AKT1S1: variants seen among roughly 807,000 people sequenced by gnomAD.
The protein encoded by AKT1S1 is proline-rich AKT1 substrate 1.
Under a neutral mutation model 21.2 loss-of-function variants are expected in AKT1S1, and 17 were observed. That is an observed-to-expected ratio of 0.80 (90% CI 0.55 to 1.20). The LOEUF is 1.20. AKT1S1 is among the 50% of genes most tolerant of loss of function. AKT1S1 has a pLI of 0.00. For synonymous variants in AKT1S1, 181 were observed against 165.6 expected, an observed-to-expected ratio of 1.09 and a Z score of -0.72; for missense variants, 366 against 368.3, an observed-to-expected ratio of 0.99 and a Z score of 0.05.
At position 49,871,694 on chromosome 19, in the gene AKT1S1, G is replaced by A. The variant is rs748946986; in HGVS notation, c.480C>T (p.Thr160=). 111 of 1,612,878 alleles carry A rather than the reference G, an allele frequency of 6.9e-5. No individual in the cohort carries two copies. The highest frequency in any genetic ancestry group is 9.4e-5 in the Non-Finnish European group (111 of 1,179,514). ...STDDGSLSEE[T]PAGPPTCSVP... ...CTGAGCAGGTGGGGGGGCCGGCGGG[G>A]GTCTCCTCGCTCAGGCTGCCATCTG... is the stretch of plus-strand genomic sequence containing the variant. Residue 160 remains threonine, a synonymous_variant, in exon 4 of 5, where the codon ACC becomes ACT. Transcript: ENST00000344175.
At chr19:49,876,338 T>G in intron 1 of AKT1S1, 1 of 1,201,960 alleles carries the variant, frequency 8.3e-7, no homozygotes, top group Non-Finnish European at 1.0e-6. Context: ...CCCGACCCCG[T>G]GGACGTGGTC....
upstream of AKT1S1, chr19:49,877,556 T>C: frequency 1.6e-6 from 1 of 633,704 alleles, no homozygotes. Flanking sequence ...ACCCTCGAGG[T>C]TCCAGTGGAA....
chr19:49,876,494 C>T (rs2074946038), intron 1 of AKT1S1: 3 of 1,283,722 alleles, frequency 2.3e-6, no homozygotes, highest in African/African-American at 1.6e-5. Context: ...GCCCTCTGAT[C>T]TGTGCAGGCC....
chr19:49,872,253 C>T (rs1053476245), intron 2 of AKT1S1, among the ~76,000 whole-genome samples: 2 of 152,174 alleles, frequency 1.3e-5, no homozygotes, highest in African/African-American at 2.4e-5. Flanking sequence ...AGTCACTTGC[C>T]CGAGGTCCCA....
At chr19:49,875,551 G>A (rs551963505) in intron 1 of AKT1S1, among the ~76,000 whole-genome samples, 4 of 152,350 alleles carry the variant, frequency 2.6e-5, no homozygotes, top group South Asian at 4.1e-4. Flanking sequence ...GCAAGAAATG[G>A]CTGGTCCAAA....
chr19:49,875,160 T>C (rs1202359736), intron 1 of AKT1S1: 1 of 152,174 alleles, frequency 6.6e-6, no homozygotes, highest in Non-Finnish European at 1.5e-5. Flanking sequence ...GCAGTCAGCA[T>C]CTTGAAGGGC....
chr19:49,870,914 G>T (rs565652370), intron 4 of AKT1S1, among the ~76,000 whole-genome samples: 1 of 152,194 alleles, frequency 6.6e-6, no homozygotes, highest in African/African-American at 2.4e-5. Context: ...CTGCTGGTTT[G>T]CATATAAGGA....
chr19:49,870,160 G>T, intron 4 of AKT1S1, 100 bp from the exon 5 acceptor site: 1 of 1,279,552 alleles, frequency 7.8e-7, no homozygotes, highest in Non-Finnish European at 1.0e-6. Context: ...CCCACTTCTA[G>T]CACGTCCCTG....
intron 1 of AKT1S1, chr19:49,876,474 G>A: frequency 1.7e-6 from 2 of 1,201,196 alleles, no homozygotes; most frequent in Non-Finnish European, 2.2e-6. Context: ...AGGATCGCTG[G>A]CAGACCTCTG....
intron 1 of AKT1S1, chr19:49,876,337 G>C: frequency 1.8e-5 from 20 of 1,118,220 alleles, no homozygotes; most frequent in East Asian, 8.9e-5. Context: ...CCCCGACCCC[G>C]TGGACGTGGT....
chr19:49,873,434 G>C lies in AKT1S1; in HGVS notation c.-7-132C>G. On this transcript the variant is annotated intron_variant, in intron 1 of 4. Transcript: ENST00000344175. This position sits in a 1 kb window ranked among gnomAD's most constrained non-coding sequence, Gnocchi z 6.9. ...CCACCTTGTCCCAGCGGTGCTGTGT[G>C]TCCTCCCCAAACCTGCTACTCCCCA... The C allele has an allele frequency of 3.0e-6, 4 of 1,351,446 alleles. No individual in the cohort carries two copies. Among genetic ancestry groups the C allele is most frequent in the Non-Finnish European group, 3.8e-6 (4 of 1,054,948 alleles). 83.7% of individuals were successfully genotyped at this position (1,351,446 alleles called of 1,614,324 possible).
At position 49,873,429 on chromosome 19, in the gene AKT1S1, T is replaced by TCCCAGCA; in HGVS notation, c.-7-128_-7-127insTGCTGGG. 1.5e-6 allele frequency: 2 copies of TCCCAGCA among 1,354,972 alleles called. No individual in the cohort carries two copies. Among genetic ancestry groups the TCCCAGCA allele is most frequent in the South Asian group, 3.4e-5 (2 of 59,254 alleles). The allele number at this position is 1,354,972 out of a possible 1,614,324, so 83.9% of individuals were successfully genotyped here. A position where few individuals can be genotyped will look rare whatever the true frequency, so the allele number is the denominator to read the frequency against. On this transcript the variant is annotated intron_variant, in intron 1 of 4. Coordinates refer to ENST00000344175, the MANE Select transcript of AKT1S1 (RefSeq NM_001098633.4). The surrounding 1 kb of genome is among the most constrained non-coding windows in gnomAD (Gnocchi z 6.9). Reference sequence around the variant, plus strand: ...TCCACCCACCTTGTCCCAGCGGTGCTGTGTGTCCTCCCCAAACCTGCTACT... The same window carrying TCCCAGCA: ...TCCACCCACCTTGTCCCAGCGGTGCTCCCAGCAGTGTGTCCTCCCCAAACCTGCTACT...
chr19:49,873,945 G>C lies in AKT1S1; in HGVS notation c.-7-643C>G, dbSNP rs929232196. ...CTCCGTCGCCCAGCCATCCCGTCAA[G>C]AGTGTCCTGCACAAGGCCCAGGGGG... On this transcript the variant is annotated intron_variant, in intron 1 of 4. Transcript: ENST00000344175. The surrounding 1 kb of genome is among the most constrained non-coding windows in gnomAD (Gnocchi z 6.9). The C allele has an allele frequency of 6.6e-6, 1 of 152,296 alleles. No individual in the cohort carries two copies. Among genetic ancestry groups the C allele is most frequent in the African/African-American group, 2.4e-5 (1 of 41,446 alleles). The allele number at this position is 152,296 out of a possible 1,614,324, so 9.4% of individuals were successfully genotyped here. A position where few individuals can be genotyped will look rare whatever the true frequency, so the allele number is the denominator to read the frequency against.
At chr19:49,876,092 GA>G in intron 1 of AKT1S1, 1 of 986,658 alleles carries the variant, frequency 1.0e-6, no homozygotes, top group Non-Finnish European at 1.2e-6. Flanking sequence ...CCCTCCTGTC[GA>G]AATTTTAGTA....
At chr19:49,872,559 G>A (rs137998789) in intron 2 of AKT1S1, among the ~76,000 whole-genome samples, 112 of 151,986 alleles carry the variant, frequency 7.4e-4, no homozygotes, top group African/African-American at 2.3e-3. Flanking sequence ...CCTCCCAGGC[G>A]TTGTGGAAAC....
At chr19:49,876,862 A>G in intron 1 of AKT1S1, 1 of 500,146 alleles carries the variant, frequency 2.0e-6, no homozygotes. Flanking sequence ...CCGTCCTCAT[A>G]TGCTCAATCA....
At position 49,871,684 on chromosome 19, in the gene AKT1S1, G is replaced by A; in HGVS notation, c.490C>T (p.Pro164Ser). ...GSLSEETPAGPPTCSVPPASA... is the reference protein window; with the variant it reads ...GSLSEETPAGSPTCSVPPASA... Reference sequence around the variant, plus strand: ...GCTGGGGGCACTGAGCAGGTGGGGGGGCCGGCGGGGGTCTCCTCGCTCAGG... The same window carrying A: ...GCTGGGGGCACTGAGCAGGTGGGGGAGCCGGCGGGGGTCTCCTCGCTCAGG... The change falls in exon 4 of 5, where the codon CCC becomes TCC. Residue 164 changes from proline to serine, a missense_variant. Transcript: ENST00000344175. 6.2e-7 allele frequency: 1 copy of A among 1,613,272 alleles called. No homozygotes were observed. Among genetic ancestry groups the A allele is most frequent in the Non-Finnish European group, 8.5e-7 (1 of 1,179,654 alleles).
intron 1 of AKT1S1, chr19:49,876,290 G>A: frequency 8.5e-7 from 1 of 1,183,086 alleles, no homozygotes; most frequent in Non-Finnish European, 1.0e-6. Flanking sequence ...CCCGCCTTTG[G>A]ACGGGTGAGG....
chr19:49,876,467 A>G, intron 1 of AKT1S1: 1 of 1,187,466 alleles, frequency 8.4e-7, no homozygotes, highest in Non-Finnish European at 1.1e-6. Context: ...TCAGCAAAGG[A>G]TCGCTGGCAG....
Sources: allele counts gnomAD v4.1 joint callset (sites outside exome capture counted in the v4.1 genomes callset), GRCh38; gene constraint gnomAD v4.1.1; non-coding constraint Gnocchi (gnomAD v3.1); transcripts MANE v1.5; gene names NCBI Gene and HGNC (gene_info 2026-07-23, HGNC 2026-07-21).